TRDMT1: variants seen among roughly 807,000 people sequenced by gnomAD.
TRDMT1 encodes tRNA (cytosine(38)-C(5))-methyltransferase.
TRDMT1 carries 49 observed loss-of-function variants against 51.2 expected under a neutral mutation model. The ratio of observed to expected loss-of-function variants is 0.96; its 90% CI spans 0.76 to 1.21. TRDMT1 has a LOEUF of 1.21. Among genes scored for constraint, TRDMT1 ranks in the 50% most tolerant of loss-of-function variants. The pLI, the probability that TRDMT1 is intolerant of heterozygous loss-of-function variation, is 0.00. For missense variants in TRDMT1, 534 were observed against 462.3 expected, an observed-to-expected ratio of 1.16 and a Z score of -1.42; for synonymous variants, 187 against 164.6, an observed-to-expected ratio of 1.14 and a Z score of -1.04.
chr10:17,184,316 G>C (rs890650932), intron 1 of TRDMT1, among the ~76,000 whole-genome samples: 13 of 151,740 alleles, frequency 8.6e-5, no homozygotes, highest in Non-Finnish European at 1.5e-4. Context: ...GATCATTTCT[G>C]ACATATTTAT....
rs1588675378 is a variant in TRDMT1, at chr10:17,141,546, C to T, written c.*7494G>A. On this transcript the variant is annotated 3_prime_UTR_variant, in exon 11 of 11. Coordinates refer to ENST00000377799, the MANE Select transcript of TRDMT1 (RefSeq NM_004412.7). ...TTCAGCTCCATTTTTTTCCCCTCTA[C>T]TTCTGGCACCCCAAACATATAAATG... 6.6e-6 allele frequency among the ~76,000 whole-genome samples: 1 copy of T among 152,120 alleles called. No homozygotes were observed. Among genetic ancestry groups the T allele is most frequent in the Non-Finnish European group, 1.5e-5 (1 of 68,026 alleles).
At chr10:17,169,221 G>T in intron 2 of TRDMT1, 2 of 694,280 alleles carry the variant, frequency 2.9e-6, no homozygotes, top group Non-Finnish European at 4.1e-6. Context: ...GTGTAACACT[G>T]CTGTTTTCTA....
intron 8 of TRDMT1, among the ~76,000 whole-genome samples, chr10:17,155,764 G>C (rs1010528908): frequency 6.6e-6 from 1 of 151,646 alleles, no homozygotes; most frequent in Non-Finnish European, 1.5e-5. Flanking sequence ...AGTCAAACCA[G>C]GAAAAAAATA....
At chr10:17,150,267 A>G (rs1838512551) in intron 10 of TRDMT1, 2 of 433,202 alleles carry the variant, frequency 4.6e-6, no homozygotes, top group Non-Finnish European at 6.2e-6. Context: ...TTGGCCATTT[A>G]TCTATTCCTT....
rs1438363508 is a variant in TRDMT1, at chr10:17,157,767, G to A, written c.561C>T (p.Pro187=). 1 of 1,594,180 alleles carries A rather than the reference G, an allele frequency of 6.3e-7. No homozygotes were observed. The highest frequency in any genetic ancestry group is 1.7e-5 in the Admixed American group (1 of 58,104). Residue 187 remains proline, a synonymous_variant, in exon 8 of 11, where the codon CCC becomes CCT. Coordinates refer to ENST00000377799, the MANE Select transcript of TRDMT1 (RefSeq NM_004412.7). ...TTTGTGGATGTACAGATTCAATTTTGGGGAACTCCATCAGTACCTGGCATT... is the reference window on the plus strand; with the variant it reads ...TTTGTGGATGTACAGATTCAATTTTAGGGAACTCCATCAGTACCTGGCATT... ...QAPGQVLMEF[P]KIESVHPQKY... is the part of the protein sequence containing the mutation.
At chr10:17,159,852 A>G (rs967914143) in intron 6 of TRDMT1, among the ~76,000 whole-genome samples, 2 of 152,304 alleles carry the variant, frequency 1.3e-5, no homozygotes, top group Non-Finnish European at 2.9e-5. Flanking sequence ...ATCATGATCA[A>G]TTACTTAAAT....
rs1302249427 is a variant in TRDMT1 at position 17,201,581 on chromosome 10, G to A, written c.54C>T (p.His18=). Residue 18 remains histidine (H), a synonymous_variant, in exon 1 of 11, where the codon CAC becomes CAT. Transcript: ENST00000377799. ...TAGATGGACTCTCACCTCTCAGCGC[G>A]TGGTGCATGCCGCCCACGCCGCTGT... The part of the protein sequence containing the change: ...ELYSGVGGMH[H]ALRESCIPAQ... 2.6e-6 allele frequency: 4 copies of A among 1,549,488 alleles called. No homozygotes were observed. The highest frequency in any genetic ancestry group is 3.5e-6 in the Non-Finnish European group (4 of 1,146,200).
At position 17,143,368 on chromosome 10, in the gene TRDMT1, C is replaced by G; in HGVS notation, c.*5672G>C. On this transcript the variant is annotated 3_prime_UTR_variant, in exon 11 of 11. Transcript: ENST00000377799. ...CATGAAACATTTTCCATTTTTAAAACTCAGATCGTAACAGCTATTCAGCTT... is the reference window on the plus strand; with the variant it reads ...CATGAAACATTTTCCATTTTTAAAAGTCAGATCGTAACAGCTATTCAGCTT... The G allele has an allele frequency of 1.0e-6, 1 of 985,440 alleles. No individual in the cohort carries two copies. Among genetic ancestry groups the G allele is most frequent in the Non-Finnish European group, 1.2e-6 (1 of 829,938 alleles). 61.0% of individuals were successfully genotyped at this position (985,440 alleles called of 1,614,324 possible). A position where few individuals can be genotyped will look rare whatever the true frequency, so the allele number is the denominator to read the frequency against.
At chr10:17,161,058 G>C (rs567291632) in intron 5 of TRDMT1, among the ~76,000 whole-genome samples, 2 of 152,246 alleles carry the variant, frequency 1.3e-5, no homozygotes, top group South Asian at 4.1e-4. Context: ...GACTCGGGTG[G>C]ATGCTTTCTC....
chr10:17,197,710 AG>A (rs199548267), intron 1 of TRDMT1, among the ~76,000 whole-genome samples: 2,446 of 152,314 alleles, frequency 0.016, 36 homozygotes, highest in South Asian at 0.029. Context: ...TCTGTATTGA[AG>A]AAAACAAATG....
chr10:17,157,403 T>A, intron 8 of TRDMT1, 38 bp downstream of exon 8: 1 of 1,474,798 alleles, frequency 6.8e-7, no homozygotes, highest in Middle Eastern at 1.8e-4. Context: ...AAAACCTGGT[T>A]ATTTTGGATA....
At chr10:17,189,156 A>G (rs1248898056) in intron 1 of TRDMT1, among the ~76,000 whole-genome samples, 2 of 152,334 alleles carry the variant, frequency 1.3e-5, no homozygotes, top group South Asian at 2.1e-4. Context: ...TTTCTGAAGT[A>G]TAATTTTTCA....
chr10:17,139,564 C>A lies in TRDMT1; in HGVS notation c.*9476G>T, dbSNP rs560309811. On this transcript the variant is annotated 3_prime_UTR_variant, in exon 11 of 11. Coordinates refer to ENST00000377799, the MANE Select transcript of TRDMT1 (RefSeq NM_004412.7). ...AAAAGAAAACAAAGTTTGGGGATAC[C>A]TGGCACTCTTCAGACTCTGCCTCTT... 6.6e-6 allele frequency among the ~76,000 whole-genome samples: 1 copy of A among 152,276 alleles called. No individual in the cohort carries two copies. Among genetic ancestry groups the A allele is most frequent in the African/African-American group, 2.4e-5 (1 of 41,532 alleles).
intron 1 of TRDMT1, among the ~76,000 whole-genome samples, chr10:17,192,464 G>A (rs1006825603): frequency 2.6e-5 from 4 of 152,162 alleles, no homozygotes; most frequent in Non-Finnish European, 4.4e-5. Context: ...TAGCCCTGGC[G>A]CATCTTTTCT....
intron 3 of TRDMT1, among the ~76,000 whole-genome samples, chr10:17,167,187 G>A (rs1841336471): frequency 6.6e-6 from 1 of 152,172 alleles, no homozygotes; most frequent in Admixed American, 6.5e-5. Flanking sequence ...TGGCTTGTAG[G>A]TGAACCACAA....
At chr10:17,167,547 T>TAA (rs1458413121) in intron 3 of TRDMT1, among the ~76,000 whole-genome samples, 1 of 152,180 alleles carries the variant, frequency 6.6e-6, no homozygotes, top group Non-Finnish European at 1.5e-5. Flanking sequence ...AAAATACTCT[T>TAA]ATTAAAAATA....
chr10:17,156,397 G>A (rs924537895), intron 8 of TRDMT1, among the ~76,000 whole-genome samples: 15 of 151,982 alleles, frequency 9.9e-5, no homozygotes, highest in African/African-American at 3.6e-4. Flanking sequence ...ACCATGCCTG[G>A]TCAATTTTTG....
chr10:17,143,416 C>A lies in TRDMT1; in HGVS notation c.*5624G>T, dbSNP rs1367465233. 3.0e-6 allele frequency: 3 copies of A among 985,294 alleles called. No individual in the cohort carries two copies. The highest frequency in any genetic ancestry group is 3.5e-5 in the African/African-American group (2 of 57,224). 61.0% of individuals were successfully genotyped at this position (985,294 alleles called of 1,614,324 possible). A position where few individuals can be genotyped will look rare whatever the true frequency, so the allele number is the denominator to read the frequency against. On this transcript the variant is annotated 3_prime_UTR_variant, in exon 11 of 11. Coordinates refer to ENST00000377799, the MANE Select transcript of TRDMT1 (RefSeq NM_004412.7). ...CTTATTGTCTACTCATTCATAGGAT[C>A]AGCTCTTAAATATGAAAGTCAACTC...
chr10:17,180,539 CA>C (rs10627626), intron 1 of TRDMT1, among the ~76,000 whole-genome samples: 17,867 of 104,770 alleles, frequency 0.17, 1,050 homozygotes, highest in Non-Finnish European at 0.19. Flanking sequence ...AACTCTGTCT[CA>C]AAAAAAAAAA....
Sources: allele counts gnomAD v4.1 joint callset (sites outside exome capture counted in the v4.1 genomes callset), GRCh38; gene constraint gnomAD v4.1.1; transcripts MANE v1.5; gene names NCBI Gene and HGNC (gene_info 2026-07-23, HGNC 2026-07-21).